The following CCDC73 variants were observed in gnomAD, a reference collection of about 807,000 sequenced individuals.
CCDC73 encodes coiled-coil domain containing 73.
A neutral mutation model predicts 116.5 loss-of-function variants in CCDC73; 95 were observed. The observed-to-expected ratio is 0.82, with a 90% confidence interval of 0.69 to 0.97. The LOEUF (loss-of-function observed/expected upper bound fraction) is 0.97. Ranked by LOEUF, CCDC73 falls within the 50% of genes least tolerant of loss-of-function variation. The pLI is 0.00. For synonymous variants in CCDC73, 398 were observed against 401.3 expected (o/e 0.99, Z 0.10); for missense variants, 1,066 against 1,206.8 (o/e 0.88, Z 1.73).
At chr11:32,633,178 C>G (rs1029298201) in intron 14 of CCDC73, among the ~76,000 whole-genome samples, 1 of 152,104 alleles carries the variant, frequency 6.6e-6, no homozygotes. Flanking sequence ...CTCAGCCTCC[C>G]GAGTAAGCCA....
chr11:32,756,493 A>G (rs1245178794), intron 2 of CCDC73, among the ~76,000 whole-genome samples: 2 of 146,822 alleles, frequency 1.4e-5, no homozygotes, highest in East Asian at 2.0e-4. Context: ...ATCTATATAT[A>G]TCCTTTTAAA....
At chr11:32,717,968 T>C in intron 3 of CCDC73, 108 bp downstream of exon 3, 1 of 713,594 alleles carries the variant, frequency 1.4e-6, no homozygotes, top group East Asian at 2.7e-5. Flanking sequence ...ACTGCCCAAA[T>C]GATTCAATTA....
At chr11:32,786,379 T>C (rs916232782) in intron 1 of CCDC73, among the ~76,000 whole-genome samples, 6 of 92,754 alleles carry the variant, frequency 6.5e-5, no homozygotes, top group African/African-American at 2.0e-4. Flanking sequence ...ATAATAAATA[T>C]ATTATTTATA....
chr11:32,750,064 G>A (rs552363408), intron 2 of CCDC73, among the ~76,000 whole-genome samples: 49 of 152,116 alleles, frequency 3.2e-4, no homozygotes, highest in African/African-American at 1.2e-3. Flanking sequence ...TAGAGACGGG[G>A]TTTCACTGTG....
the CCDC73 span, among the ~76,000 whole-genome samples, chr11:32,803,134 T>A: frequency 4.8e-5 from 7 of 147,118 alleles, no homozygotes; most frequent in Non-Finnish European, 9.0e-5. Flanking sequence ...TGCTCTGTCA[T>A]CCAGGCTGGA....
At chr11:32,649,219 T>C (rs1000911496) in intron 12 of CCDC73, among the ~76,000 whole-genome samples, 7 of 152,202 alleles carry the variant, frequency 4.6e-5, no homozygotes, top group African/African-American at 1.4e-4. Flanking sequence ...AAAAAATTGA[T>C]ATTGTGAAAG....
intron 2 of CCDC73, among the ~76,000 whole-genome samples, chr11:32,758,015 T>C (rs911722863): frequency 5.3e-5 from 8 of 152,224 alleles, no homozygotes; most frequent in Admixed American, 2.0e-4. Context: ...TTTCAAGTAT[T>C]ACGTATGTTT....
intron 1 of CCDC73, among the ~76,000 whole-genome samples, chr11:32,767,745 A>G (rs1850455921): frequency 6.6e-6 from 1 of 152,264 alleles, no homozygotes; most frequent in African/African-American, 2.4e-5. Flanking sequence ...TGGCCATCAG[A>G]GAAATGCAAA....
chr11:32,812,136 T>C, the CCDC73 span, among the ~76,000 whole-genome samples: 3 of 152,192 alleles, frequency 2.0e-5, no homozygotes, highest in Non-Finnish European at 4.4e-5. Flanking sequence ...TTAGCAGTGA[T>C]TTTTAGTTCC....
intron 6 of CCDC73, among the ~76,000 whole-genome samples, chr11:32,695,013 T>C (rs1000469267): frequency 6.6e-6 from 1 of 152,326 alleles, no homozygotes; most frequent in East Asian, 1.9e-4. Flanking sequence ...GGTACCCTTC[T>C]GAAACTCAAA....
intron 1 of CCDC73, among the ~76,000 whole-genome samples, chr11:32,792,811 C>T (rs922924671): frequency 1.3e-5 from 2 of 152,172 alleles, no homozygotes; most frequent in African/African-American, 4.8e-5. Flanking sequence ...GTGTAATCAG[C>T]CTTGCATTGT....
At chr11:32,776,005 A>G (rs1194183592) in intron 1 of CCDC73, among the ~76,000 whole-genome samples, 1 of 152,192 alleles carries the variant, frequency 6.6e-6, no homozygotes, top group Non-Finnish European at 1.5e-5. Context: ...ATCTCCAATG[A>G]ACATTCACAA....
intron 6 of CCDC73, among the ~76,000 whole-genome samples, chr11:32,690,069 G>A (rs1290559374): frequency 6.6e-6 from 1 of 152,010 alleles, no homozygotes; most frequent in South Asian, 2.1e-4. Flanking sequence ...AAGACATGGA[G>A]GATAAATGAG....
At chr11:32,624,181 A>C (rs1406567730) in intron 14 of CCDC73, among the ~76,000 whole-genome samples, 1 of 151,870 alleles carries the variant, frequency 6.6e-6, no homozygotes, top group African/African-American at 2.4e-5. Context: ...AAATACAAAA[A>C]AAAAAAAAAT....
intron 3 of CCDC73, among the ~76,000 whole-genome samples, chr11:32,713,734 T>C (rs1445113745): frequency 2.6e-5 from 4 of 152,052 alleles, no homozygotes; most frequent in African/African-American, 7.2e-5. Flanking sequence ...AAAAATTTTA[T>C]AGGAAATTAC....
the CCDC73 span, among the ~76,000 whole-genome samples, chr11:32,813,272 C>T: frequency 1.3e-5 from 2 of 152,030 alleles, no homozygotes; most frequent in African/African-American, 2.4e-5. Context: ...CATATATTCT[C>T]GTATATTTGT....
At chr11:32,731,161 G>A (rs921001164) in intron 2 of CCDC73, among the ~76,000 whole-genome samples, 1 of 152,212 alleles carries the variant, frequency 6.6e-6, no homozygotes, top group Non-Finnish European at 1.5e-5. Flanking sequence ...CACACCCACG[G>A]AGCTTGGCTC....
intron 2 of CCDC73, among the ~76,000 whole-genome samples, chr11:32,755,794 T>C (rs1364053368): frequency 7.7e-6 from 1 of 129,644 alleles, no homozygotes; most frequent in African/African-American, 2.9e-5. Flanking sequence ...TATATCTCCA[T>C]ATATGTGTAT....
chr11:32,759,859 T>A (rs17329869), intron 2 of CCDC73, among the ~76,000 whole-genome samples: 23,793 of 152,214 alleles, frequency 0.16, 1,988 homozygotes, highest in South Asian at 0.27. Context: ...ACTCAATAAA[T>A]ACTAGCTGAC....
Sources: gnomAD v4.1 joint callset for allele counts (sites outside exome capture counted in the v4.1 genomes callset) on GRCh38, gnomAD v4.1.1 for gene constraint, MANE v1.5 for transcripts, NCBI Gene and HGNC (gene_info 2026-07-23, HGNC 2026-07-21) for gene names.